ATP1A4: variants seen among roughly 807,000 people sequenced by gnomAD.
ATP1A4 encodes sodium/potassium-transporting ATPase subunit alpha-4.
Under a neutral mutation model 114.3 loss-of-function variants are expected in ATP1A4, and 90 were observed. The observed-to-expected ratio is 0.79, with a 90% CI of 0.66 to 0.94. The LOEUF is 0.94. ATP1A4 is among the 40% of genes least tolerant of loss of function. The probability of loss-of-function intolerance (pLI) is 0.00; values close to 1 mark genes in which losing one functional copy is unlikely to be tolerated. For missense variants in ATP1A4, 1,222 were observed against 1,313.6 expected (o/e 0.93, Z 1.08); for synonymous variants, 511 against 494.1 (o/e 1.03, Z -0.45).
chr1:160,167,557 A>C (rs1274404156), intron 10 of ATP1A4, 145 bp downstream of exon 10: 1 of 1,119,174 alleles, frequency 8.9e-7, no homozygotes, highest in African/African-American at 1.6e-5. Context: ...CGGAAGACTC[A>C]CATCAAGAGA....
chr1:160,168,272 G>A (rs908553413), intron 10 of ATP1A4, among the ~76,000 whole-genome samples: 5 of 151,924 alleles, frequency 3.3e-5, no homozygotes, highest in African/African-American at 1.2e-4. Context: ...TTTGCTCAGG[G>A]AAGTAGATTC....
rs763985078 is a variant in ATP1A4, at chr1:160,177,567, C to A, written c.2639C>A (p.Ala880Asp). ...AGFFTYFVILAENGFRPVDLL... is the reference protein window; with the variant it reads ...AGFFTYFVILDENGFRPVDLL... ...TTCTTTACCTACTTTGTAATCCTGGCTGAGAATGGTTTTAGGCCTGTTGAT... is the reference window on the plus strand; with the variant it reads ...TTCTTTACCTACTTTGTAATCCTGGATGAGAATGGTTTTAGGCCTGTTGAT... Residue 880 changes from alanine (A) to aspartate (D), a missense_variant, in exon 18 of 22, where the codon GCT becomes GAT. Transcript: ENST00000368081. 2 of 1,614,012 alleles carry A rather than the reference C, an allele frequency of 1.2e-6. No homozygotes were observed. Among genetic ancestry groups the A allele is most frequent in the Non-Finnish European group, 1.7e-6 (2 of 1,180,026 alleles).
intron 18 of ATP1A4, among the ~76,000 whole-genome samples, chr1:160,180,905 G>T (rs1231878182): frequency 6.6e-6 from 1 of 151,538 alleles, no homozygotes; most frequent in East Asian, 1.9e-4. Flanking sequence ...TAGTAGAGAC[G>T]GGGTTTCATT....
chr1:160,157,085 T>C (rs1270252383), intron 4 of ATP1A4, among the ~76,000 whole-genome samples: 5 of 120,648 alleles, frequency 4.1e-5, no homozygotes, highest in Non-Finnish European at 7.6e-5. Flanking sequence ...AGAGACGCTG[T>C]CTCAAAAAAA....
At chr1:160,155,390 G>T in intron 3 of ATP1A4, 142 bp downstream of exon 3, 3 of 539,234 alleles carry the variant, frequency 5.6e-6, no homozygotes, top group South Asian at 6.0e-5. Flanking sequence ...TGTAATAAAT[G>T]TACATTAATT....
In ATP1A4 at chr1:160,155,229, A is replaced by T. The variant is rs1571009155; in HGVS notation, c.392A>T (p.Glu131Val). The change falls in exon 3 of 22, where the codon GAG becomes GTG. Residue 131 changes from glutamate to valine, a missense_variant. Coordinates refer to ENST00000368081, the MANE Select transcript of ATP1A4 (RefSeq NM_144699.4). ...VAYSIQIYFN[E>V]EPTKDNLYLS... ...TACAGCATCCAGATATATTTCAATG[A>T]GGAGCCTACCAAAGACAACGTGAGT... 6.2e-7 allele frequency: 1 copy of T among 1,613,572 alleles called. No individual in the cohort carries two copies.
rs772335436 is a variant in ATP1A4, at chr1:160,174,563, G to T, written c.2143-16G>T. ...ATGCAATAAATTGTTCACTCTCTCT[G>T]TCTGGACTTCCTCAGGGAGCCGTTG... On this transcript the variant is annotated splice_polypyrimidine_tract_variant and intron_variant, in intron 14 of 21. Transcript: ENST00000368081. 8 of 1,611,180 alleles carry T rather than the reference G, an allele frequency of 5.0e-6. No homozygotes were observed. The South Asian group carries it at 8.8e-5, about 18-fold the overall frequency.
intron 14 of ATP1A4, among the ~76,000 whole-genome samples, 154 bp from the exon 15 acceptor site, chr1:160,174,425 T>C (rs996724513): frequency 2.0e-5 from 3 of 152,110 alleles, no homozygotes. Context: ...CCTGAAAGTT[T>C]AAATATCTCA....
In ATP1A4 at chr1:160,176,210, C is replaced by A; in HGVS notation, c.2430C>A (p.Thr810=). The part of the protein sequence containing the change: ...IILGIPLPLG[T]ITILCIDLGT... Reference sequence around the variant, plus strand: ...TCGGTATACCCCTGCCTCTGGGAACCATAACCATCCTCTGCATTGATCTCG... The same window carrying A: ...TCGGTATACCCCTGCCTCTGGGAACAATAACCATCCTCTGCATTGATCTCG... The change falls in exon 16 of 22, where the codon ACC becomes ACA. Residue 810 remains threonine, a synonymous_variant. Coordinates refer to ENST00000368081, the MANE Select transcript of ATP1A4 (RefSeq NM_144699.4). 6.2e-7 allele frequency: 1 copy of A among 1,614,112 alleles called. No homozygotes were observed. Among genetic ancestry groups the A allele is most frequent in the Non-Finnish European group, 8.5e-7 (1 of 1,180,026 alleles).
chr1:160,178,103 TC>T (rs759316388), intron 18 of ATP1A4, among the ~76,000 whole-genome samples: 11 of 152,172 alleles, frequency 7.2e-5, no homozygotes, highest in Non-Finnish European at 1.3e-4. Context: ...ACGCCTGTAA[TC>T]CCAGCACTTT....
intron 6 of ATP1A4, among the ~76,000 whole-genome samples, chr1:160,159,882 G>C (rs1245577001): frequency 6.6e-6 from 1 of 152,168 alleles, no homozygotes; most frequent in Non-Finnish European, 1.5e-5. Flanking sequence ...GAGGAAAATT[G>C]TTCAGCCCTG....
At chr1:160,168,641 C>T (rs1477130201) in intron 10 of ATP1A4, among the ~76,000 whole-genome samples, 1 of 152,178 alleles carries the variant, frequency 6.6e-6, no homozygotes, top group East Asian at 1.9e-4. Flanking sequence ...GCCTCAGCCT[C>T]CCAAAGTGCT....
At chr1:160,177,907 T>C (rs1653538473) in intron 18 of ATP1A4, among the ~76,000 whole-genome samples, 1 of 152,380 alleles carries the variant, frequency 6.6e-6, no homozygotes, top group Non-Finnish European at 1.5e-5. Flanking sequence ...TGTCTGGCCC[T>C]GCCTGTCTGA....
rs1338512116 is a variant in ATP1A4 at position 160,177,582 on chromosome 1, G to A, written c.2654G>A (p.Arg885Lys). 3 of 1,614,160 alleles carry A rather than the reference G, an allele frequency of 1.9e-6. No homozygotes were observed. The highest frequency in any genetic ancestry group is 2.5e-6 in the Non-Finnish European group (3 of 1,180,026). Residue 885 changes from arginine to lysine, a missense_variant, in exon 18 of 22, where the codon AGG becomes AAG. Arg to Lys is a conservative substitution (Grantham distance 26). Coordinates refer to ENST00000368081, the MANE Select transcript of ATP1A4 (RefSeq NM_144699.4). ...YFVILAENGF[R>K]PVDLLGIRLH... ...GTAATCCTGGCTGAGAATGGTTTTA[G>A]GCCTGTTGATCTGCTGGGCATCCGC...
intron 20 of ATP1A4, among the ~76,000 whole-genome samples, chr1:160,185,618 T>C (rs191615570): frequency 3.6e-4 from 55 of 151,338 alleles, no homozygotes; most frequent in African/African-American, 1.2e-3. Flanking sequence ...AAACCCCATC[T>C]CTCCTAAAAA....
Position 160,164,284 on chromosome 1 carries a change from A to T in ATP1A4, c.907A>T (p.Ile303Phe). The T allele has an allele frequency of 6.2e-7, 1 of 1,614,044 alleles. No homozygotes were observed. The highest frequency in any genetic ancestry group is 1.1e-5 in the South Asian group (1 of 91,062). The change falls in exon 7 of 22, where the codon ATC becomes TTC. Residue 303 changes from isoleucine (I) to phenylalanine (F), a missense_variant. By Grantham distance (21) the Ile-to-Phe change is conservative. Transcript: ENST00000368081. ...TGAGATCGAACACTTCATCCATCTG[A>T]TCACTGTGGTGGCCGTCTTCCTTGG... ...AAEIEHFIHL[I>F]TVVAVFLGVT...
chr1:160,185,181 C>T (rs1409449093), intron 20 of ATP1A4, among the ~76,000 whole-genome samples: 1 of 151,226 alleles, frequency 6.6e-6, no homozygotes, highest in Non-Finnish European at 1.5e-5. Flanking sequence ...GGTGCGATCT[C>T]AGCTCACTGC....
At chr1:160,152,919 A>T (rs1446880073) in intron 1 of ATP1A4, among the ~76,000 whole-genome samples, 2 of 152,110 alleles carry the variant, frequency 1.3e-5, no homozygotes, top group Non-Finnish European at 2.9e-5. Context: ...CTGTAATCCC[A>T]GCTGCTTGGG....
intron 10 of ATP1A4, 134 bp downstream of exon 10, chr1:160,167,546 A>C: frequency 8.2e-7 from 1 of 1,222,614 alleles, no homozygotes; most frequent in Non-Finnish European, 1.2e-6. Flanking sequence ...ATCCCAATTA[A>C]CGGAAGACTC....
Sources: gnomAD v4.1 joint callset for allele counts (sites outside exome capture counted in the v4.1 genomes callset) on GRCh38, gnomAD v4.1.1 for gene constraint, MANE v1.5 for transcripts, NCBI Gene and HGNC (gene_info 2026-07-23, HGNC 2026-07-21) for gene names.